Variants in ATAD2B observed in about 807,000 individuals in gnomAD.
ATAD2B encodes the protein ATPase family AAA domain-containing protein 2B.
ATAD2B carries 40 observed loss-of-function variants against 167.6 expected under a neutral mutation model. That is an observed-to-expected ratio of 0.24 (90% CI 0.19 to 0.31). The LOEUF is 0.31. Ranked by LOEUF, ATAD2B falls within the 10% of genes least tolerant of loss-of-function variation. The probability of loss-of-function intolerance (pLI) is 1.00; values close to 1 mark genes in which losing one functional copy is unlikely to be tolerated. For missense variants in ATAD2B, 1,242 were observed against 1,757.2 expected (o/e 0.71, Z 5.24); for synonymous variants, 579 against 596.5 (o/e 0.97, Z 0.43).
chr2:23,752,953 G>A (rs1481983951), intron 27 of ATAD2B, among the ~76,000 whole-genome samples: 1 of 152,050 alleles, frequency 6.6e-6, no homozygotes, highest in African/African-American at 2.4e-5. Flanking sequence ...CACTGGTGAG[G>A]AGTATTTAAT....
intron 8 of ATAD2B, among the ~76,000 whole-genome samples, chr2:23,875,391 T>G (rs1696673354): frequency 6.6e-6 from 1 of 151,752 alleles, no homozygotes; most frequent in Non-Finnish European, 1.5e-5. Flanking sequence ...TCCCAGCTAC[T>G]CGGGAGGCTG....
intron 2 of ATAD2B, among the ~76,000 whole-genome samples, chr2:23,892,641 T>C (rs944159538): frequency 1.3e-5 from 2 of 152,108 alleles, no homozygotes; most frequent in Non-Finnish European, 1.5e-5. Context: ...AGCTAATTTT[T>C]GTATTTTTAG....
intron 18 of ATAD2B, among the ~76,000 whole-genome samples, chr2:23,803,991 CCT>C (rs1683927121): frequency 6.6e-6 from 1 of 152,120 alleles, no homozygotes; most frequent in Admixed American, 6.5e-5. Flanking sequence ...TAGAGAGATA[CCT>C]CTGAGTATAG....
intron 8 of ATAD2B, among the ~76,000 whole-genome samples, chr2:23,874,832 G>A (rs1313099869): frequency 1.3e-5 from 2 of 152,028 alleles, no homozygotes; most frequent in African/African-American, 2.4e-5. Context: ...CAAGGCAGGC[G>A]GATCAGGAGG....
the ATAD2B span, among the ~76,000 whole-genome samples, chr2:23,710,974 T>C: frequency 6.6e-6 from 1 of 152,194 alleles, no homozygotes. Context: ...TGCCCGACAC[T>C]GTGCTAAGCA....
the ATAD2B span, chr2:23,707,509 T>C: frequency 6.6e-6 from 1 of 152,232 alleles, no homozygotes; most frequent in African/African-American, 2.4e-5. Context: ...TTTTTCTATG[T>C]GCAGAATAGA....
the ATAD2B span, among the ~76,000 whole-genome samples, chr2:23,711,222 ATTTTTC>A: frequency 6.6e-6 from 1 of 151,176 alleles, no homozygotes; most frequent in African/African-American, 2.4e-5. Context: ...ATTGCAGGCA[ATTTTTC>A]TTCTCTCTTG....
intron 13 of ATAD2B, among the ~76,000 whole-genome samples, chr2:23,845,681 G>C (rs1380886992): frequency 7.1e-6 from 1 of 140,898 alleles, no homozygotes; most frequent in Non-Finnish European, 1.5e-5. Context: ...CTGGGCTCAA[G>C]CAATCCTCCC....
chr2:23,768,031 A>G (rs1247884975), intron 22 of ATAD2B, among the ~76,000 whole-genome samples: 1 of 152,210 alleles, frequency 6.6e-6, no homozygotes, highest in Non-Finnish European at 1.5e-5. Context: ...GATACCATGT[A>G]AGCACATGAA....
chr2:23,805,139 G>A (rs1216751169), intron 18 of ATAD2B, among the ~76,000 whole-genome samples: 2 of 141,742 alleles, frequency 1.4e-5, no homozygotes, highest in Admixed American at 1.4e-4. Flanking sequence ...GCAAAACCCT[G>A]TCTCAAAAAA....
intron 18 of ATAD2B, among the ~76,000 whole-genome samples, chr2:23,807,533 T>A (rs1684613524): frequency 6.6e-6 from 1 of 152,082 alleles, no homozygotes; most frequent in East Asian, 1.9e-4. Flanking sequence ...TCTACAAGCT[T>A]GGTTTGAGAC....
At chr2:23,914,189 T>G (rs1205975968) in intron 1 of ATAD2B, among the ~76,000 whole-genome samples, 1 of 152,144 alleles carries the variant, frequency 6.6e-6, no homozygotes, top group African/African-American at 2.4e-5. Flanking sequence ...GAGAACTTAA[T>G]GTATTACAAA....
intron 22 of ATAD2B, among the ~76,000 whole-genome samples, chr2:23,769,174 C>T (rs1677909097): frequency 6.6e-6 from 1 of 152,126 alleles, no homozygotes; most frequent in African/African-American, 2.4e-5. Flanking sequence ...AGCACGGGGG[C>T]TCACGCCTGT....
intron 20 of ATAD2B, chr2:23,788,285 T>G: frequency 2.0e-6 from 1 of 488,560 alleles, no homozygotes; most frequent in Non-Finnish European, 3.7e-6. Context: ...AGGATGTGGT[T>G]GAAGTCATAA....
intron 1 of ATAD2B, among the ~76,000 whole-genome samples, chr2:23,926,088 C>G (rs1032526564): frequency 6.6e-6 from 1 of 152,210 alleles, no homozygotes; most frequent in Non-Finnish European, 1.5e-5. Context: ...CACTTCCTCA[C>G]CAACTTGAAC....
At chr2:23,683,478 C>G in the ATAD2B span, among the ~76,000 whole-genome samples, 1 of 152,204 alleles carries the variant, frequency 6.6e-6, no homozygotes, top group Non-Finnish European at 1.5e-5. Flanking sequence ...GTGTGCAACC[C>G]CAACAGGGTG....
At chr2:23,913,593 T>C (rs1702603676) in intron 1 of ATAD2B, among the ~76,000 whole-genome samples, 1 of 147,570 alleles carries the variant, frequency 6.8e-6, no homozygotes, top group South Asian at 2.1e-4. Context: ...TGAGCCGAGA[T>C]CATGCCACTG....
intron 6 of ATAD2B, chr2:23,883,642 C>T (rs1698281232): frequency 7.8e-7 from 1 of 1,284,480 alleles, no homozygotes; most frequent in South Asian, 1.3e-5. Flanking sequence ...CTAGCTGTAA[C>T]AACAATAATA....
chr2:23,869,893 C>T (rs942262930), intron 8 of ATAD2B, 132 bp from the exon 9 acceptor site: 2 of 615,824 alleles, frequency 3.2e-6, no homozygotes. Context: ...TACCCTCATA[C>T]AATTTACATG....
Sources: gnomAD v4.1 joint callset for allele counts (sites outside exome capture counted in the v4.1 genomes callset) on GRCh38, gnomAD v4.1.1 for gene constraint, MANE v1.5 for transcripts, NCBI Gene and HGNC (gene_info 2026-07-23, HGNC 2026-07-21) for gene names.